TLN1: variants seen among roughly 807,000 people sequenced by gnomAD.
TLN1 encodes the protein talin 1, also known as talin-1.
TLN1 carries 56 observed loss-of-function variants against 292.3 expected under a neutral mutation model. That is an observed-to-expected ratio of 0.19 (90% CI 0.15 to 0.24). The LOEUF is 0.24. Ranked by LOEUF, TLN1 falls within the 10% of genes least tolerant of loss-of-function variation. TLN1 has a pLI of 1.00. For missense variants in TLN1, 2,433 were observed against 3,248.2 expected (o/e 0.75, Z 6.10); for synonymous variants, 1,119 against 1,253.7 (o/e 0.89, Z 2.27).
At position 35,705,826 on chromosome 9, in the gene TLN1, G is replaced by A. The variant is rs1031141145; in HGVS notation, c.5537C>T (p.Pro1846Leu). The change falls in exon 42 of 57, where the codon CCA (proline) becomes CTA (leucine). Residue 1846 changes from proline to leucine, a missense_variant. Physicochemically the swap from Pro to Leu is moderately conservative, Grantham distance 98 (BLOSUM62 -3). Around this residue, in one of 7 missense-constraint regions of TLN1, gnomAD observed 1,384 missense variants for 1,699.6 expected, o/e 0.81. Transcript: ENST00000314888. ...NQLDEGPMGEPEGSFVDYQTT... is the reference protein window; with the variant it reads ...NQLDEGPMGELEGSFVDYQTT... ...TTGGTAATCCACGAAGGAACCTTCT[G>A]GTTCACCCATTGGTCCTTCATCTAG... 1.2e-6 allele frequency: 2 copies of A among 1,614,110 alleles called. No individual in the cohort carries two copies. The highest frequency in any genetic ancestry group is 8.5e-7 in the Non-Finnish European group (1 of 1,180,048).
Position 35,711,485 on chromosome 9 carries a change from A to G in TLN1, c.3880-91T>C, listed in dbSNP as rs533327820. 2.1e-5 allele frequency: 34 copies of G among 1,605,506 alleles called. No individual in the cohort carries two copies. The South Asian group carries it at 3.7e-4, about 17-fold the overall frequency. ...CTTTCCCAGACACTCAAGTAGTGCT[A>G]GAGACTGGGGAGGGAAGGGAGCCAG... On this transcript the variant is annotated intron_variant, in intron 29 of 56. Transcript: ENST00000314888.
Position 35,697,496 on chromosome 9 carries a change from T to G in TLN1, c.*295A>C. The G allele has an allele frequency of 5.2e-6, 2 of 381,906 alleles. No individual in the cohort carries two copies. Among genetic ancestry groups the G allele is most frequent in the Non-Finnish European group, 9.5e-6 (2 of 211,122 alleles). The allele number at this position is 381,906 out of a possible 1,614,324, so 23.7% of individuals were successfully genotyped here. The stretch of plus-strand genomic sequence containing the variant: ...GCCGGAAGCTGCTGGCAGGGTGGAG[T>G]GGGCTGGGGCCCCGGCAGATTCAGA... On this transcript the variant is annotated 3_prime_UTR_variant, in exon 57 of 57. Transcript: ENST00000314888.
At chr9:35,700,724 A>C (rs1430609696) in intron 48 of TLN1, among the ~76,000 whole-genome samples, 1 of 152,236 alleles carries the variant, frequency 6.6e-6, no homozygotes, top group East Asian at 1.9e-4. Flanking sequence ...GGAAAGTATC[A>C]AGGAATGTTC....
rs747279595 is a variant in TLN1, at chr9:35,704,914, A to T, written c.5734-99T>A. 7.3e-6 allele frequency: 10 copies of T among 1,364,918 alleles called. No homozygotes were observed. In the African/African-American group the frequency reaches 1.0e-4, roughly 14 times the overall value. 84.6% of individuals were successfully genotyped at this position (1,364,918 alleles called of 1,614,324 possible). ...ACTAAGGACATAGAAAAAAACATGC[A>T]TTGTAGACTAAAGAAGCAGAGAGAG... On this transcript the variant is annotated intron_variant, in intron 43 of 56. Transcript: ENST00000314888. This position sits in a 1 kb window ranked among gnomAD's most constrained non-coding sequence, Gnocchi z 6.9.
chr9:35,700,723 C>T (rs1362042664), intron 48 of TLN1, among the ~76,000 whole-genome samples: 1 of 152,104 alleles, frequency 6.6e-6, no homozygotes, highest in Non-Finnish European at 1.5e-5. Flanking sequence ...CGGAAAGTAT[C>T]AAGGAATGTT....
chr9:35,701,887 G>A (rs1825472747), intron 48 of TLN1, among the ~76,000 whole-genome samples: 2 of 152,236 alleles, frequency 1.3e-5, no homozygotes. Context: ...GACCAGGAAA[G>A]GACCAGGTAT....
In TLN1 at chr9:35,704,651, A is replaced by G; in HGVS notation, c.5880+18T>C. The G allele has an allele frequency of 3.1e-6, 5 of 1,613,372 alleles. No individual in the cohort carries two copies. The highest frequency in any genetic ancestry group is 4.2e-6 in the Non-Finnish European group (5 of 1,179,770). Reference sequence around the variant, plus strand: ...GTTTGGAGGCAGTCCCACCATCTGCAGGGATGAGCACCGTCACCTTCTCAG... The same window carrying G: ...GTTTGGAGGCAGTCCCACCATCTGCGGGGATGAGCACCGTCACCTTCTCAG... On this transcript the variant is annotated intron_variant, in intron 44 of 56. Transcript: ENST00000314888. The surrounding 1 kb of genome is among the most constrained non-coding windows in gnomAD (Gnocchi z 6.9).
chr9:35,707,179 T>C lies in TLN1; in HGVS notation c.4848A>G (p.Thr1616=), dbSNP rs946738396. 1 of 1,609,168 alleles carries C rather than the reference T, an allele frequency of 6.2e-7. No individual in the cohort carries two copies. Among genetic ancestry groups the C allele is most frequent in the Non-Finnish European group, 8.5e-7 (1 of 1,178,494 alleles). Residue 1616 remains threonine, a synonymous_variant, in exon 37 of 57, where the codon ACA becomes ACG. Transcript: ENST00000314888. The surrounding 1 kb of genome is among the most constrained non-coding windows in gnomAD (Gnocchi z 5.6). ...MLESAGGLIQ[T]ARALAVNPRD... The stretch of plus-strand genomic sequence containing the variant: ...GGGGATTGACTGCGAGGGCCCGGGC[T>C]GTCTGGATGAGTCCCCCGGCACTCT...
At chr9:35,711,519 C>A in intron 29 of TLN1, 76 bp downstream of exon 29, 2 of 1,608,162 alleles carry the variant, frequency 1.2e-6, no homozygotes, top group Non-Finnish European at 8.5e-7. Context: ...AGGAGCAAGT[C>A]AGGACTGGTC....
chr9:35,718,676 G>A, intron 17 of TLN1, 136 bp downstream of exon 17: 1 of 699,346 alleles, frequency 1.4e-6, no homozygotes, highest in Non-Finnish European at 2.5e-6. Context: ...GAAGTTACTA[G>A]TATCATCCCC....
chr9:35,697,720 C>T lies in TLN1; in HGVS notation c.*71G>A. On this transcript the variant is annotated 3_prime_UTR_variant, in exon 57 of 57. Transcript: ENST00000314888. The stretch of plus-strand genomic sequence containing the variant: ...TGGGGTTGGGCAGGTTGGGCCCCGA[C>T]AGCCCAGAAGGCTTTGGTAGTGGCA... 1.3e-6 allele frequency: 2 copies of T among 1,580,564 alleles called. No individual in the cohort carries two copies. The highest frequency in any genetic ancestry group is 1.7e-6 in the Non-Finnish European group (2 of 1,162,552).
In TLN1 at chr9:35,705,787, C is replaced by T. The variant is rs750652395; in HGVS notation, c.5576G>A (p.Arg1859Gln). The stretch of plus-strand genomic sequence containing the variant: ...GGTCACTGCAATGGCCTTGGCTGTC[C>T]GCACCATAGTTGTTTGGTAATCCAC... ...SFVDYQTTMV[R>Q]TAKAIAVTVQ... Residue 1859 changes from arginine (R) to glutamine (Q), a missense_variant, in exon 42 of 57, where the codon CGG becomes CAG. Arg to Gln is a conservative substitution (Grantham distance 43). Around this residue, in one of 7 missense-constraint regions of TLN1, gnomAD observed 1,384 missense variants for 1,699.6 expected, o/e 0.81. Transcript: ENST00000314888. The T allele has an allele frequency of 6.8e-6, 11 of 1,614,112 alleles. No homozygotes were observed. Among genetic ancestry groups the T allele is most frequent in the East Asian group, 6.7e-5 (3 of 44,904 alleles).
At position 35,703,785 on chromosome 9, in the gene TLN1, T is replaced by C. The variant is rs746634982; in HGVS notation, c.6347A>G (p.Asn2116Ser). 3.7e-6 allele frequency: 6 copies of C among 1,613,984 alleles called. No individual in the cohort carries two copies. The highest frequency in any genetic ancestry group is 1.7e-5 in the Admixed American group (1 of 59,998). Reference sequence around the variant, plus strand: ...CTCATTCTCTCCAACCTTGGCAGAGTTCTTTAGCTGCCACACAGCAGGGTC... The same window carrying C: ...CTCATTCTCTCCAACCTTGGCAGAGCTCTTTAGCTGCCACACAGCAGGGTC... ...GDDPAVWQLK[N>S]SAKVMVTNVT... Residue 2116 changes from asparagine to serine, a missense_variant, in exon 47 of 57, where the codon AAC (asparagine) becomes AGC (serine). Physicochemically the swap from Asn to Ser is conservative, Grantham distance 46. Transcript: ENST00000314888.
At chr9:35,723,793 A>G (rs1159024519) in intron 7 of TLN1, 159 bp downstream of exon 7, 5 of 1,063,152 alleles carry the variant, frequency 4.7e-6, no homozygotes, top group Middle Eastern at 2.9e-4. Flanking sequence ...AGAAGAGACA[A>G]TGGATGATGG....
intron 1 of TLN1, among the ~76,000 whole-genome samples, chr9:35,727,195 T>G (rs1384422677): frequency 6.6e-6 from 1 of 151,908 alleles, no homozygotes; most frequent in Admixed American, 6.6e-5. Context: ...AATGGGCAAA[T>G]ACAAGCTGCC....
intron 10 of TLN1, among the ~76,000 whole-genome samples, 199 bp downstream of exon 10, chr9:35,721,449 C>T (rs747336640): frequency 3.9e-5 from 6 of 152,172 alleles, no homozygotes; most frequent in Non-Finnish European, 7.3e-5. Context: ...TTTTGTTCTG[C>T]TGATTTTAAA....
chr9:35,700,436 A>T, intron 48 of TLN1, 60 bp from the exon 49 acceptor site: 2 of 1,505,746 alleles, frequency 1.3e-6, no homozygotes, highest in Non-Finnish European at 1.8e-6. Context: ...GACAGCGTAG[A>T]ACTCTGTGTG....
In TLN1 at chr9:35,718,834, C is replaced by G; in HGVS notation, c.1973G>C (p.Ser658Thr). ...AACCTGGAAGTGGGGGTCAGTATCA[C>G]TTTCCCCAATTTGTTGCAACAGCTC... The part of the protein sequence containing the change: ...SGELLQQIGE[S>T]DTDPHFQDAL... The change falls in exon 17 of 57, where the codon AGT (serine) becomes ACT (threonine). Residue 658 changes from serine (S) to threonine (T), a missense_variant. Physicochemically the swap from Ser to Thr is moderately conservative, Grantham distance 58 (BLOSUM62 1). This residue lies in a region of TLN1 where 617 missense variants were observed against 770.6 expected (regional missense o/e 0.80). Coordinates refer to ENST00000314888, the MANE Select transcript of TLN1 (RefSeq NM_006289.4). 1 of 1,613,802 alleles carries G rather than the reference C, an allele frequency of 6.2e-7. No individual in the cohort carries two copies. Among genetic ancestry groups the G allele is most frequent in the Non-Finnish European group, 8.5e-7 (1 of 1,179,882 alleles).
rs202028577 is a variant in TLN1, at chr9:35,703,983, G to A, written c.6231+8C>T. 2 of 1,612,702 alleles carry A rather than the reference G, an allele frequency of 1.2e-6. No homozygotes were observed. The highest frequency in any genetic ancestry group is 1.7e-6 in the Non-Finnish European group (2 of 1,178,944). ...TTCCAGCCGGAATTAGGGGCATCAG[G>A]TCACTACCTGGGTCTCAGGGTCCTC... On this transcript the variant is annotated splice_region_variant and intron_variant, in intron 46 of 56. Coordinates refer to ENST00000314888, the MANE Select transcript of TLN1 (RefSeq NM_006289.4).
Sources: gnomAD v4.1 joint callset for allele counts (sites outside exome capture counted in the v4.1 genomes callset) on GRCh38, gnomAD v4.1.1 for gene constraint, gnomAD v4.1.1 regional missense constraint, Gnocchi (gnomAD v3.1) non-coding constraint, MANE v1.5 for transcripts, NCBI Gene and HGNC (gene_info 2026-07-23, HGNC 2026-07-21) for gene names.